Variants in GABRG3 observed in about 807,000 individuals in gnomAD.
GABRG3 encodes gamma-aminobutyric acid type A receptor subunit gamma3.
GABRG3 carries 25 observed loss-of-function variants against 48.8 expected under a neutral mutation model. That is an observed-to-expected ratio of 0.51 (90% CI 0.37 to 0.72). The LOEUF (loss-of-function observed/expected upper bound fraction) is 0.72, where lower values mean the gene tolerates loss of function less well. Among genes scored for constraint, GABRG3 ranks in the 30% least tolerant of loss-of-function variants. The probability of loss-of-function intolerance (pLI) is 0.00; values close to 1 mark genes in which losing one functional copy is unlikely to be tolerated. For missense variants in GABRG3, 394 were observed against 577.9 expected, an observed-to-expected ratio of 0.68 and a Z score of 3.26; for synonymous variants, 227 against 217.6, an observed-to-expected ratio of 1.04 and a Z score of -0.38.
At chr15:26,994,071 A>G (rs915732918) in intron 2 of GABRG3, among the ~76,000 whole-genome samples, 2 of 151,302 alleles carry the variant, frequency 1.3e-5, no homozygotes, top group Admixed American at 6.6e-5. Context: ...CCATCCCTTT[A>G]TTTTCAGTCT....
At position 26,977,088 on chromosome 15, in the gene GABRG3, T is replaced by C. The variant is rs769303679; in HGVS notation, c.140T>C (p.Val47Ala). The C allele has an allele frequency of 6.2e-7, 1 of 1,614,006 alleles. No individual in the cohort carries two copies. The highest frequency in any genetic ancestry group is 1.7e-5 in the Admixed American group (1 of 60,028). ...GCTCCAAAATCCCAAGACACCGACG[T>C]GACTCTTATTCTCAACAAGTTGCTA... ...VLAPKSQDTDVTLILNKLLRE... is the reference protein window; with the variant it reads ...VLAPKSQDTDATLILNKLLRE... Residue 47 changes from valine to alanine, a missense_variant, in exon 2 of 10, where the codon GTG becomes GCG. By Grantham distance (64) the Val-to-Ala change is moderately conservative. Around this residue, in one of 3 missense-constraint regions of GABRG3, gnomAD observed 218 missense variants for 309.9 expected, o/e 0.70. Coordinates refer to ENST00000615808, the MANE Select transcript of GABRG3 (RefSeq NM_033223.5).
At position 27,066,560 on chromosome 15, in the gene GABRG3, A is replaced by G. The variant is rs527646291; in HGVS notation, c.270+39739A>G. 5.3e-5 allele frequency among the ~76,000 whole-genome samples: 8 copies of G among 152,262 alleles called. No individual in the cohort carries two copies. The South Asian group carries it at 6.2e-4, about 12-fold the overall frequency. ...TTTAAGTGGAAGCATTTAAAAGTAG[A>G]CCTCAGGCCACCAGAAGGACTTTCA... On this transcript the variant is annotated intron_variant, in intron 3 of 9. Coordinates refer to ENST00000615808, the MANE Select transcript of GABRG3 (RefSeq NM_033223.5).
At chr15:27,505,927 A>G (rs2150856283) in intron 6 of GABRG3, among the ~76,000 whole-genome samples, 1 of 152,322 alleles carries the variant, frequency 6.6e-6, no homozygotes, top group East Asian at 1.9e-4. Context: ...ATGTAACTTA[A>G]TAGATATAGG....
In GABRG3 at chr15:27,179,281, C is replaced by T. The variant is rs1025701134; in HGVS notation, c.271-147528C>T. Among the ~76,000 whole-genome samples the T allele has an allele frequency of 2.6e-5, 4 of 152,180 alleles. No homozygotes were observed. Among genetic ancestry groups the T allele is most frequent in the African/African-American group, 7.2e-5 (3 of 41,452 alleles). On this transcript the variant is annotated intron_variant, in intron 3 of 9. Transcript: ENST00000615808. The surrounding 1 kb of genome is among the most constrained non-coding windows in gnomAD (Gnocchi z 4.0). The stretch of plus-strand genomic sequence containing the variant: ...ATGCCCCGCGTGGCAATCCACCTTC[C>T]CCTCAGGAGCAGCTGTAACAATTTC...
chr15:27,288,041 T>A, intron 3 of GABRG3, among the ~76,000 whole-genome samples: 1 of 152,248 alleles, frequency 6.6e-6, no homozygotes, highest in East Asian at 1.9e-4. Flanking sequence ...CTGGCCAATT[T>A]GTTGTGTCTT....
At chr15:27,094,730 G>A (rs1436087914) in intron 3 of GABRG3, among the ~76,000 whole-genome samples, 1 of 152,028 alleles carries the variant, frequency 6.6e-6, no homozygotes, top group Admixed American at 6.5e-5. Flanking sequence ...ACTAGAAGCA[G>A]CACTTTTATG....
chr15:27,226,525 G>A (rs1179422464), intron 3 of GABRG3, among the ~76,000 whole-genome samples: 1 of 152,170 alleles, frequency 6.6e-6, no homozygotes, highest in Non-Finnish European at 1.5e-5. Flanking sequence ...TGTGTGGAGA[G>A]GAGAACCCTG....
At chr15:27,174,748 C>T (rs1262785883) in intron 3 of GABRG3, among the ~76,000 whole-genome samples, 1 of 152,168 alleles carries the variant, frequency 6.6e-6, no homozygotes, top group Non-Finnish European at 1.5e-5. Context: ...GAAGCCCCTG[C>T]AAGTTGGCTT....
chr15:27,361,338 G>C (rs1193014271), intron 5 of GABRG3, among the ~76,000 whole-genome samples: 1 of 152,152 alleles, frequency 6.6e-6, no homozygotes, highest in Non-Finnish European at 1.5e-5. Context: ...TTTCCAAATG[G>C]TATCTTGGAG....
intron 6 of GABRG3, 96 bp downstream of exon 6, chr15:27,480,883 C>A: frequency 6.7e-7 from 1 of 1,494,036 alleles, no homozygotes; most frequent in South Asian, 1.4e-5. Flanking sequence ...TTTGGGCAAC[C>A]ATGATACATA....
chr15:27,187,111 A>G (rs1288931184), intron 3 of GABRG3, among the ~76,000 whole-genome samples: 2 of 152,150 alleles, frequency 1.3e-5, no homozygotes, highest in Non-Finnish European at 2.9e-5. Flanking sequence ...GGTGATAAAT[A>G]GGGGTCTAGT....
intron 5 of GABRG3, among the ~76,000 whole-genome samples, chr15:27,459,948 A>T (rs994476169): frequency 2.0e-5 from 3 of 152,148 alleles, no homozygotes; most frequent in Admixed American, 2.0e-4. Context: ...GAGTGAGGGA[A>T]AGGTGAGTGT....
At chr15:27,486,153 C>T (rs1206091892) in intron 6 of GABRG3, among the ~76,000 whole-genome samples, 2 of 152,060 alleles carry the variant, frequency 1.3e-5, no homozygotes, top group Non-Finnish European at 2.9e-5. Flanking sequence ...GCTCAGAGCA[C>T]GCTTAGAAGC....
chr15:27,248,827 G>GAGAC (rs1452153536), intron 3 of GABRG3, among the ~76,000 whole-genome samples: 1 of 146,876 alleles, frequency 6.8e-6, no homozygotes, highest in African/African-American at 2.5e-5. Flanking sequence ...GAGAGAGAGA[G>GAGAC]AGAGAGAGAC....
At chr15:27,529,088 T>G (rs1006963199) in intron 9 of GABRG3, among the ~76,000 whole-genome samples, 18 of 152,214 alleles carry the variant, frequency 1.2e-4, no homozygotes, top group African/African-American at 4.3e-4. Flanking sequence ...ACCCTCACTT[T>G]CTTTTGAGCA....
At chr15:27,256,906 C>T (rs1307197608) in intron 3 of GABRG3, among the ~76,000 whole-genome samples, 1 of 152,212 alleles carries the variant, frequency 6.6e-6, no homozygotes, top group Non-Finnish European at 1.5e-5. Flanking sequence ...CCTGGACATA[C>T]TGATGTCATT....
chr15:27,407,075 G>A lies in GABRG3; in HGVS notation c.575-73575G>A, dbSNP rs112494995. Among the ~76,000 whole-genome samples, 895 of 152,044 alleles carry A rather than the reference G, an allele frequency of 5.9e-3. 9 individuals are homozygous for A. The highest frequency in any genetic ancestry group is 8.9e-3 in the Non-Finnish European group (605 of 67,980). On this transcript the variant is annotated intron_variant, in intron 5 of 9. Coordinates refer to ENST00000615808, the MANE Select transcript of GABRG3 (RefSeq NM_033223.5). The stretch of plus-strand genomic sequence containing the variant: ...CGGGAGTAGCTGCGATTAGGGGCAC[G>A]TGCGACCACGGCCGGCTAATTTTGT...
chr15:27,382,198 G>A (rs1328245943), intron 5 of GABRG3, among the ~76,000 whole-genome samples: 1 of 152,130 alleles, frequency 6.6e-6, no homozygotes, highest in Non-Finnish European at 1.5e-5. Context: ...TGGAAATACA[G>A]CAATAAATCA....
In GABRG3 at chr15:27,457,222, C is replaced by A. The variant is rs371707340; in HGVS notation, c.575-23428C>A. On this transcript the variant is annotated intron_variant, in intron 5 of 9. Transcript: ENST00000615808. This position sits in a 1 kb window ranked among gnomAD's most constrained non-coding sequence, Gnocchi z 4.4. ...AAGGCTGCAAGAACTGCCCACGCTC[C>A]GACAGATGTACAGTGCAGGGCCGGC... Among the ~76,000 whole-genome samples the A allele has an allele frequency of 6.6e-6, 1 of 152,114 alleles. No individual in the cohort carries two copies. The highest frequency in any genetic ancestry group is 2.4e-5 in the African/African-American group (1 of 41,412).
Sources: gnomAD v4.1 joint callset for allele counts (sites outside exome capture counted in the v4.1 genomes callset) on GRCh38, gnomAD v4.1.1 for gene constraint, gnomAD v4.1.1 regional missense constraint, Gnocchi (gnomAD v3.1) non-coding constraint, MANE v1.5 for transcripts, NCBI Gene and HGNC (gene_info 2026-07-23, HGNC 2026-07-21) for gene names.